KCNC3: variants seen among roughly 807,000 people sequenced by gnomAD.
The protein encoded by KCNC3 is potassium voltage-gated channel subfamily C member 3.
A neutral mutation model predicts 43.9 loss-of-function variants in KCNC3; 22 were observed. The observed-to-expected ratio is 0.50, with a 90% CI of 0.36 to 0.72. KCNC3 has a LOEUF of 0.72. Ranked by LOEUF, KCNC3 falls within the 30% of genes least tolerant of loss-of-function variation. The probability of loss-of-function intolerance (pLI) is 0.00; values close to 1 mark genes in which losing one functional copy is unlikely to be tolerated. For synonymous variants in KCNC3, 492 were observed against 488.0 expected (o/e 1.01, Z -0.11); for missense variants, 829 against 1,073.8 (o/e 0.77, Z 3.19).
At position 50,326,925 on chromosome 19, in the gene KCNC3, G is replaced by C. The variant is rs184487269; in HGVS notation, c.870+1288C>G. ...CTAGGTTCTGGGTTTTGCACGGCGG[G>C]GGGGGAGGTTCGAGAAAGGAAGAGG... On this transcript the variant is annotated intron_variant, in intron 1 of 4. Coordinates refer to ENST00000477616, the MANE Select transcript of KCNC3 (RefSeq NM_004977.3). Among the ~76,000 whole-genome samples the C allele has an allele frequency of 3.2e-3, 477 of 151,226 alleles. 14 individuals carry two copies. The highest frequency in any genetic ancestry group is 0.011 in the African/African-American group (463 of 40,962).
intron 4 of KCNC3, among the ~76,000 whole-genome samples, chr19:50,318,470 C>T (rs1237842313): frequency 2.0e-5 from 3 of 152,116 alleles, no homozygotes; most frequent in Admixed American, 1.3e-4. Context: ...CCACCCCCGC[C>T]GCCCAGCCTT....
At chr19:50,325,588 C>CCCCCCA (rs1392024187) in intron 1 of KCNC3, among the ~76,000 whole-genome samples, 1 of 152,136 alleles carries the variant, frequency 6.6e-6, no homozygotes, top group African/African-American at 2.4e-5. Context: ...TCTGAACTCC[C>CCCCCCA]CCCCCACCCC....
At chr19:50,329,825 C>G (rs185088640), upstream of KCNC3, 1 of 152,278 alleles carries the variant, frequency 6.6e-6, no homozygotes, top group Non-Finnish European at 1.5e-5. Flanking sequence ...TGAGAGAGTC[C>G]TGGAAACCCG....
intron 2 of KCNC3, 109 bp downstream of exon 2, chr19:50,322,866 C>T: frequency 6.7e-6 from 8 of 1,187,070 alleles, no homozygotes; most frequent in Non-Finnish European, 9.4e-6. Context: ...TTTTTTCTCC[C>T]TCACCTCTTC....
upstream of KCNC3, among the ~76,000 whole-genome samples, chr19:50,333,285 G>A (rs559482212): frequency 6.6e-6 from 1 of 152,348 alleles, no homozygotes; most frequent in South Asian, 2.1e-4. Flanking sequence ...AGAGGCTGCA[G>A]AGGGGGGAGT....
chr19:50,327,123 G>T (rs1237598152), intron 1 of KCNC3, among the ~76,000 whole-genome samples: 2 of 151,984 alleles, frequency 1.3e-5, no homozygotes, highest in East Asian at 3.9e-4. Flanking sequence ...TTTGGATGGG[G>T]GGAGTCCCAG....
At chr19:50,317,259 G>T (rs1438970027) in intron 4 of KCNC3, among the ~76,000 whole-genome samples, 1 of 152,062 alleles carries the variant, frequency 6.6e-6, no homozygotes, top group Non-Finnish European at 1.5e-5. Context: ...GAGCCAGACA[G>T]TCCCCCCTCT....
chr19:50,330,007 C>G (rs1340856981), upstream of KCNC3, among the ~76,000 whole-genome samples: 1 of 152,172 alleles, frequency 6.6e-6, no homozygotes, highest in African/African-American at 2.4e-5. Flanking sequence ...TGGCTCACGC[C>G]TGTAACGCCA....
At position 50,315,335 on chromosome 19, in the gene KCNC3, G is replaced by A. The variant is rs1223798329; in HGVS notation, c.*780C>T. 6.6e-6 allele frequency among the ~76,000 whole-genome samples: 1 copy of A among 151,778 alleles called. No homozygotes were observed. Among genetic ancestry groups the A allele is most frequent in the East Asian group, 2.0e-4 (1 of 5,108 alleles). ...TAGGAGGCAGGTTGGTGCCCACCGAGCCTCCCCCGCCCCATTCCCACCACA... is the reference window on the plus strand; with the variant it reads ...TAGGAGGCAGGTTGGTGCCCACCGAACCTCCCCCGCCCCATTCCCACCACA... On this transcript the variant is annotated 3_prime_UTR_variant, in exon 5 of 5. Coordinates refer to ENST00000477616, the MANE Select transcript of KCNC3 (RefSeq NM_004977.3).
chr19:50,320,662 AGCG>A lies in KCNC3; in HGVS notation c.2098_2100del (p.Arg700del). 6.2e-7 allele frequency: 1 copy of A among 1,613,610 alleles called. No homozygotes were observed. On this transcript the variant is annotated inframe_deletion, in exon 3 of 5. Transcript: ENST00000477616. ...AGGAAGCAGGCTCGGTCCCGGCTAT[AGCG>A]GCCACGGCTTCCAGGCGTGATGGGG...
At chr19:50,322,520 T>C (rs564603233) in intron 2 of KCNC3, among the ~76,000 whole-genome samples, 1 of 152,130 alleles carries the variant, frequency 6.6e-6, no homozygotes, top group African/African-American at 2.4e-5. Flanking sequence ...CTGGTCTCCA[T>C]GACAATCTCT....
chr19:50,315,411 T>TG lies in KCNC3; in HGVS notation c.*703dup. ...TGGTCCCCTCACCTGAGGCAAAAGG[T>TG]GGGGGGCAGCAAGGCGGGATGGTGG... is the stretch of plus-strand genomic sequence containing the variant. On this transcript the variant is annotated 3_prime_UTR_variant, in exon 5 of 5. Transcript: ENST00000477616. 6.8e-6 allele frequency: 1 copy of TG among 147,422 alleles called. No homozygotes were observed. The allele number at this position is 147,422 out of a possible 1,614,324, so 9.1% of individuals were successfully genotyped here.
In KCNC3 at chr19:50,323,013, G is replaced by C; in HGVS notation, c.1940C>G (p.Pro647Arg). 6.5e-7 allele frequency: 1 copy of C among 1,548,552 alleles called. No individual in the cohort carries two copies. The highest frequency in any genetic ancestry group is 8.7e-7 in the Non-Finnish European group (1 of 1,146,612). The stretch of plus-strand genomic sequence containing the variant: ...CTCAATCACCTCCTCCTGAGCCAAC[G>C]GGCAAGGCTCGCCGGGGGCTGGCAG... Reference protein sequence around the residue: ...PPLPAPGEPCPLAQEEVIEIN... With the variant: ...PPLPAPGEPCRLAQEEVIEIN... The change falls in exon 2 of 5, where the codon CCG (proline) becomes CGG (arginine). Residue 647 changes from proline to arginine, a missense_variant. By Grantham distance (103) the Pro-to-Arg change is moderately radical. Transcript: ENST00000477616.
Position 50,324,393 on chromosome 19 carries a change from C to A in KCNC3, c.871-311G>T, listed in dbSNP as rs1004733793. Among the ~76,000 whole-genome samples, 1 of 152,204 alleles carries A rather than the reference C, an allele frequency of 6.6e-6. No homozygotes were observed. Among genetic ancestry groups the A allele is most frequent in the African/African-American group, 2.4e-5 (1 of 41,446 alleles). ...TGCTGTTTCCTAGACCACCTCCCCC[C>A]ACCCTCCTGTTCCCTGTGTCCTATT... On this transcript the variant is annotated intron_variant, in intron 1 of 4. Coordinates refer to ENST00000477616, the MANE Select transcript of KCNC3 (RefSeq NM_004977.3). This position sits in a 1 kb window ranked among gnomAD's most constrained non-coding sequence, Gnocchi z 4.1.
chr19:50,319,949 G>C (rs888808920), intron 4 of KCNC3, among the ~76,000 whole-genome samples: 4 of 150,480 alleles, frequency 2.7e-5, no homozygotes, highest in Non-Finnish European at 5.9e-5. Flanking sequence ...GGGAGGCAGA[G>C]ATGTTGATGG....
At position 50,324,382 on chromosome 19, in the gene KCNC3, C is replaced by T. The variant is rs2123536502; in HGVS notation, c.871-300G>A. On this transcript the variant is annotated intron_variant, in intron 1 of 4. Transcript: ENST00000477616. This position sits in a 1 kb window ranked among gnomAD's most constrained non-coding sequence, Gnocchi z 4.1. ...TTCTGGCCCCTTGCTGTTTCCTAGA[C>T]CACCTCCCCCCACCCTCCTGTTCCC... Among the ~76,000 whole-genome samples, 1 of 152,326 alleles carries T rather than the reference C, an allele frequency of 6.6e-6. No individual in the cohort carries two copies. The highest frequency in any genetic ancestry group is 1.5e-5 in the Non-Finnish European group (1 of 68,032).
At chr19:50,325,246 A>C (rs1690383490) in intron 1 of KCNC3, among the ~76,000 whole-genome samples, 1 of 151,662 alleles carries the variant, frequency 6.6e-6, no homozygotes, top group African/African-American at 2.4e-5. Context: ...AGGGGAGAGG[A>C]GTGCATTGGA....
rs191657052 is a variant in KCNC3, at chr19:50,314,332, G to A, written c.*1783C>T. 496 of 156,558 alleles carry A rather than the reference G, an allele frequency of 3.2e-3. 2 individuals are homozygous for A. The highest frequency in any genetic ancestry group is 0.019 in the Middle Eastern group (6 of 310). The allele number at this position is 156,558 out of a possible 1,614,324, so 9.7% of individuals were successfully genotyped here. On this transcript the variant is annotated 3_prime_UTR_variant, in exon 5 of 5. Transcript: ENST00000477616. ...TTTGTTTTCTCCTAATCAACGCACA[G>A]GGTTGGTTGTCCTCCTGGGGTGAAG... is the stretch of plus-strand genomic sequence containing the variant.
In KCNC3 at chr19:50,315,947, C is replaced by T. The variant is rs952176942; in HGVS notation, c.*168G>A. 5.7e-6 allele frequency: 2 copies of T among 348,760 alleles called. No homozygotes were observed. The highest frequency in any genetic ancestry group is 1.1e-5 in the Non-Finnish European group (2 of 183,802). The allele number at this position is 348,760 out of a possible 1,614,324, so 21.6% of individuals were successfully genotyped here. On this transcript the variant is annotated 3_prime_UTR_variant, in exon 5 of 5. Coordinates refer to ENST00000477616, the MANE Select transcript of KCNC3 (RefSeq NM_004977.3). ...AGGGAGCTGTCTGGACAAAAGGTGT[C>T]TTGATCGTAGGAGGGAGGGCTTGGG...
Sources: gnomAD v4.1 joint callset for allele counts (sites outside exome capture counted in the v4.1 genomes callset) on GRCh38, gnomAD v4.1.1 for gene constraint, Gnocchi (gnomAD v3.1) non-coding constraint, MANE v1.5 for transcripts, NCBI Gene and HGNC (gene_info 2026-07-23, HGNC 2026-07-21) for gene names.